Variants in DNAH6 observed in about 807,000 individuals in gnomAD.
DNAH6 encodes the protein axonemal beta dynein heavy chain 6.
Under a neutral mutation model 491.4 loss-of-function variants are expected in DNAH6, and 340 were observed. The ratio of observed to expected loss-of-function variants is 0.69; its 90% CI spans 0.63 to 0.76. The LOEUF (loss-of-function observed/expected upper bound fraction) is 0.76, where lower values mean the gene tolerates loss of function less well. Ranked by LOEUF, DNAH6 falls within the 30% of genes least tolerant of loss-of-function variation. The pLI, the probability that DNAH6 is intolerant of heterozygous loss-of-function variation, is 0.00. For missense variants in DNAH6, 4,443 were observed against 4,972.2 expected (o/e 0.89, Z 3.20); for synonymous variants, 1,603 against 1,686.1 (o/e 0.95, Z 1.21).
At chr2:84,489,267 A>G in the DNAH6 span, among the ~76,000 whole-genome samples, 112 of 152,254 alleles carry the variant, frequency 7.4e-4, no homozygotes, top group Non-Finnish European at 1.6e-4. Flanking sequence ...TTCCCACTAG[A>G]AAATTATGTA....
In DNAH6 at chr2:84,595,788, A is replaced by AGGTAAGGT; in HGVS notation, c.2868_2868+7dup. 6.5e-7 allele frequency: 1 copy of AGGTAAGGT among 1,544,558 alleles called. No homozygotes were observed. Among genetic ancestry groups the AGGTAAGGT allele is most frequent in the Non-Finnish European group, 8.7e-7 (1 of 1,144,918 alleles). ...TACAAGGTGGAAAAAATGAAAGAAAAGGTAAGGTTGGTAGAAGTTATTTCA... is the reference window on the plus strand; with the variant it reads ...TACAAGGTGGAAAAAATGAAAGAAAAGGTAAGGTGGTAAGGTTGGTAGAAGTTATTTCA... On this transcript the variant is annotated frameshift_variant and splice_region_variant, in exon 18 of 77. Coordinates refer to ENST00000389394, the MANE Select transcript of DNAH6 (RefSeq NM_001370.2). LOFTEE classifies it high-confidence loss of function.
intron 39 of DNAH6, among the ~76,000 whole-genome samples, chr2:84,670,949 C>T (rs947859310): frequency 6.6e-6 from 1 of 152,138 alleles, no homozygotes. Context: ...CACCTTCAGA[C>T]ATTTGGAGTC....
intron 68 of DNAH6, among the ~76,000 whole-genome samples, chr2:84,790,739 G>T (rs1677649851): frequency 6.6e-6 from 1 of 152,134 alleles, no homozygotes; most frequent in Admixed American, 6.5e-5. Flanking sequence ...ACAAACGCAG[G>T]TGAGCATATG....
chr2:84,671,850 C>T (rs538381131), intron 39 of DNAH6, among the ~76,000 whole-genome samples: 1 of 152,354 alleles, frequency 6.6e-6, no homozygotes, highest in South Asian at 2.1e-4. Flanking sequence ...AGCCCCACTG[C>T]ACTGGATTTC....
intron 46 of DNAH6, among the ~76,000 whole-genome samples, chr2:84,696,653 CAAA>C (rs943502974): frequency 1.2e-4 from 18 of 151,956 alleles, no homozygotes; most frequent in East Asian, 9.6e-4. Context: ...TTAAGAAAAA[CAAA>C]AAGTTTCAAA....
upstream of DNAH6, among the ~76,000 whole-genome samples, chr2:84,515,677 G>C (rs367849524): frequency 1.1e-4 from 16 of 152,306 alleles, no homozygotes; most frequent in South Asian, 2.3e-3. Flanking sequence ...CCTCCATGTG[G>C]TGTAAGGATT....
intron 64 of DNAH6, chr2:84,778,001 T>C (rs1676315063): frequency 4.1e-6 from 4 of 966,040 alleles, no homozygotes. Context: ...AGTTACATTA[T>C]AGTCTTTGCC....
intron 33 of DNAH6, among the ~76,000 whole-genome samples, 160 bp downstream of exon 33, chr2:84,642,214 T>C (rs1689481957): frequency 1.3e-5 from 2 of 152,220 alleles, no homozygotes; most frequent in Non-Finnish European, 2.9e-5. Flanking sequence ...AAAATGAAGA[T>C]ACTAAAGTTT....
intron 28 of DNAH6, 92 bp downstream of exon 28, chr2:84,624,712 G>A: frequency 7.2e-7 from 1 of 1,384,254 alleles, no homozygotes; most frequent in Non-Finnish European, 9.7e-7. Context: ...ACTCTTGAAA[G>A]AATTTATTAT....
intron 2 of DNAH6, among the ~76,000 whole-genome samples, chr2:84,521,790 CG>C (rs554596676): frequency 1.0e-3 from 159 of 151,960 alleles, no homozygotes; most frequent in Non-Finnish European, 1.8e-3. Flanking sequence ...TGTACATGTG[CG>C]GCCTTATTTT....
At chr2:84,783,704 A>G (rs541095228) in intron 65 of DNAH6, among the ~76,000 whole-genome samples, 1 of 152,370 alleles carries the variant, frequency 6.6e-6, no homozygotes, top group African/African-American at 2.4e-5. Flanking sequence ...GTTGATAAAC[A>G]AAAGAACCAT....
At chr2:84,812,604 A>C (rs1484271489) in intron 73 of DNAH6, 78 bp downstream of exon 73, 5 of 1,176,146 alleles carry the variant, frequency 4.3e-6, no homozygotes, top group Non-Finnish European at 6.0e-6. Context: ...GCACTGGCTA[A>C]AGATATCCAC....
At chr2:84,567,538 T>C (rs910256234) in intron 11 of DNAH6, among the ~76,000 whole-genome samples, 1 of 151,848 alleles carries the variant, frequency 6.6e-6, no homozygotes, top group East Asian at 1.9e-4. Flanking sequence ...ACAAAAACAA[T>C]CAATGGGGAA....
chr2:84,609,053 T>G (rs1384516812), intron 21 of DNAH6, among the ~76,000 whole-genome samples: 1 of 152,176 alleles, frequency 6.6e-6, no homozygotes, highest in Non-Finnish European at 1.5e-5. Flanking sequence ...ACCTTCAAAC[T>G]TTACTTCCAC....
At chr2:84,813,928 G>A (rs1358829896) in intron 74 of DNAH6, 43 bp from the exon 75 acceptor site, 3 of 1,546,146 alleles carry the variant, frequency 1.9e-6, no homozygotes, top group Middle Eastern at 1.7e-4. Context: ...CTGGGGAGTA[G>A]CAGTGTTGTT....
At chr2:84,478,823 A>T in the DNAH6 span, among the ~76,000 whole-genome samples, 1 of 152,302 alleles carries the variant, frequency 6.6e-6, no homozygotes, top group Non-Finnish European at 1.5e-5. Flanking sequence ...CCCAGTATCC[A>T]GGAGGAAGGA....
intron 72 of DNAH6, among the ~76,000 whole-genome samples, chr2:84,810,528 T>C (rs1313344838): frequency 1.3e-5 from 2 of 152,194 alleles, no homozygotes; most frequent in African/African-American, 4.8e-5. Flanking sequence ...CACCACGGCA[T>C]GCTGTAATTG....
chr2:84,525,554 A>G lies in DNAH6; in HGVS notation c.226-11A>G, dbSNP rs1420051469. On this transcript the variant is annotated splice_polypyrimidine_tract_variant and intron_variant, in intron 2 of 76. Transcript: ENST00000389394. ...TTAATAAAAATTAACATGTCTCTCT[A>G]TTTCCCAAAGCCAGTGCTAAAAGTC... 16 of 1,534,278 alleles carry G rather than the reference A, an allele frequency of 1.0e-5. No homozygotes were observed. The highest frequency in any genetic ancestry group is 2.5e-5 in the South Asian group (2 of 79,824).
In DNAH6 at chr2:84,544,299, C is replaced by A. The variant is rs1292898295; in HGVS notation, c.729C>A (p.His243Gln). Residue 243 changes from histidine (H) to glutamine (Q), a missense_variant, in exon 5 of 77, where the codon CAC (histidine) becomes CAA (glutamine). Physicochemically the swap from His to Gln is conservative, Grantham distance 24 (BLOSUM62 0). Around this residue, in one of 3 missense-constraint regions of DNAH6, gnomAD observed 2,977 missense variants for 3,296.6 expected, o/e 0.90. Transcript: ENST00000389394. Reference protein sequence around the residue: ...YYTISQRAVTHIYNEDIEFIE... With the variant: ...YYTISQRAVTQIYNEDIEFIE... The stretch of plus-strand genomic sequence containing the variant: ...CTATTAGCCAAAGGGCAGTAACACA[C>A]ATTTATAATGAAGACATTGAATTTA... The A allele has an allele frequency of 6.5e-6, 10 of 1,530,392 alleles. No individual in the cohort carries two copies. Among genetic ancestry groups the A allele is most frequent in the Non-Finnish European group, 8.9e-6 (10 of 1,127,846 alleles). The allele number at this position is 1,530,392 out of a possible 1,614,324, so 94.8% of individuals were successfully genotyped here.
Sources: allele counts gnomAD v4.1 joint callset (sites outside exome capture counted in the v4.1 genomes callset), GRCh38; gene constraint gnomAD v4.1.1; regional missense constraint gnomAD v4.1.1; transcripts MANE v1.5; gene names NCBI Gene and HGNC (gene_info 2026-07-23, HGNC 2026-07-21).